CEP57: variants seen among roughly 807,000 people sequenced by gnomAD.
CEP57 encodes the protein centrosomal protein of 57 kDa.
Under a neutral mutation model 68.0 loss-of-function variants are expected in CEP57, and 40 were observed. The ratio of observed to expected loss-of-function variants is 0.59; its 90% confidence interval spans 0.46 to 0.77. CEP57 has a LOEUF of 0.77. Among genes scored for constraint, CEP57 ranks in the 30% least tolerant of loss-of-function variants. The pLI is 0.00. For missense variants in CEP57, 606 were observed against 580.7 expected (o/e 1.04, Z -0.45); for synonymous variants, 219 against 198.7 (o/e 1.10, Z -0.86).
chr11:95,825,058 A>G (rs1225327343), intron 8 of CEP57, among the ~76,000 whole-genome samples: 1 of 152,200 alleles, frequency 6.6e-6, no homozygotes, highest in Non-Finnish European at 1.5e-5. Context: ...AAAGGCATGG[A>G]AGTAGTCTAC....
At chr11:95,799,000 C>T (rs546313744) in intron 1 of CEP57, among the ~76,000 whole-genome samples, 1 of 152,162 alleles carries the variant, frequency 6.6e-6, no homozygotes, top group Non-Finnish European at 1.5e-5. Flanking sequence ...CATTTGTATT[C>T]AAGTTGTATG....
chr11:95,827,566 CAAT>C (rs1021399223), intron 8 of CEP57: 58 of 546,134 alleles, frequency 1.1e-4, no homozygotes, highest in South Asian at 7.3e-4. Context: ...GGTTGCAGCT[CAAT>C]GATGTGTATG....
chr11:95,814,282 C>G (rs960206903), intron 4 of CEP57, among the ~76,000 whole-genome samples: 1 of 151,824 alleles, frequency 6.6e-6, no homozygotes, highest in Middle Eastern at 3.5e-3. Context: ...CTCCTGGCCT[C>G]AAGTGATCAG....
chr11:95,816,500 C>T (rs1325812691), intron 4 of CEP57, among the ~76,000 whole-genome samples: 1 of 152,078 alleles, frequency 6.6e-6, no homozygotes, highest in African/African-American at 2.4e-5. Flanking sequence ...AATAAGACAA[C>T]TTTAAGATGT....
At chr11:95,830,978 T>G (rs376125737) in intron 10 of CEP57, 48 bp from the exon 11 acceptor site, 469 of 1,459,024 alleles carry the variant, frequency 3.2e-4, no homozygotes, top group Non-Finnish European at 4.5e-4. Flanking sequence ...AAAAAAAATA[T>G]TTTCATTAAA....
chr11:95,804,241 A>G (rs928465126), intron 2 of CEP57, among the ~76,000 whole-genome samples: 4 of 152,242 alleles, frequency 2.6e-5, no homozygotes, highest in Admixed American at 2.0e-4. Context: ...TCAAACAGTT[A>G]GTATAGGCAA....
Position 95,831,132 on chromosome 11 carries a change from C to A in CEP57, c.1379C>A (p.Thr460Lys), listed in dbSNP as rs1157579934. 6 of 1,613,124 alleles carry A rather than the reference C, an allele frequency of 3.7e-6. No individual in the cohort carries two copies. Among genetic ancestry groups the A allele is most frequent in the Non-Finnish European group, 5.1e-6 (6 of 1,179,554 alleles). Residue 460 changes from threonine to lysine, a missense_variant, in exon 11 of 11, where the codon ACA becomes AAA. Coordinates refer to ENST00000325542, the MANE Select transcript of CEP57 (RefSeq NM_014679.5). ...SSSRSGITGTTNKKDFMKLRP... is the reference protein window; with the variant it reads ...SSSRSGITGTKNKKDFMKLRP... Reference sequence around the variant, plus strand: ...AGCCGTTCTGGAATCACAGGGACCACAAATAAGAAAGATTTTATGAAACTG... The same window carrying A: ...AGCCGTTCTGGAATCACAGGGACCAAAAATAAGAAAGATTTTATGAAACTG...
intron 5 of CEP57, 125 bp from the exon 6 acceptor site, chr11:95,818,702 C>T: frequency 1.4e-6 from 1 of 723,312 alleles, no homozygotes; most frequent in Non-Finnish European, 2.5e-6. Context: ...GCCTCCATTA[C>T]TACAGTGATC....
rs148061976 is a variant in CEP57, at chr11:95,795,369, ACT to A, written c.46-3860_46-3859del. 5.6e-3 allele frequency: 2,143 copies of A among 382,494 alleles called. 64 individuals carry two copies. The East Asian group carries it at 0.061, about 11-fold the overall frequency. 23.7% of individuals were successfully genotyped at this position (382,494 alleles called of 1,614,324 possible). A position where few individuals can be genotyped will look rare whatever the true frequency, so the allele number is the denominator to read the frequency against. ...CATTTTCTAATATATAAAATTACTGACTCTTACATATCTATTTTACTCAGCAA... is the reference window on the plus strand; with the variant it reads ...CATTTTCTAATATATAAAATTACTGACTTACATATCTATTTTACTCAGCAA... On this transcript the variant is annotated intron_variant, in intron 1 of 10. Transcript: ENST00000325542.
In CEP57 at chr11:95,831,014, T is replaced by C; in HGVS notation, c.1273-12T>C. The C allele has an allele frequency of 6.3e-7, 1 of 1,583,814 alleles. No homozygotes were observed. Among genetic ancestry groups the C allele is most frequent in the Non-Finnish European group, 8.7e-7 (1 of 1,152,770 alleles). ...TTCTCCTTTTCCTTCCTGCCTTGGT[T>C]ATTTGGTATAGCTGGAGAAACAGAA... On this transcript the variant is annotated splice_polypyrimidine_tract_variant and intron_variant, in intron 10 of 10. Coordinates refer to ENST00000325542, the MANE Select transcript of CEP57 (RefSeq NM_014679.5).
In CEP57 at chr11:95,817,771, G is replaced by T; in HGVS notation, c.505-16G>T. The T allele has an allele frequency of 6.6e-7, 1 of 1,518,128 alleles. No individual in the cohort carries two copies. The highest frequency in any genetic ancestry group is 1.1e-5 in the South Asian group (1 of 89,068). 94.0% of individuals were successfully genotyped at this position (1,518,128 alleles called of 1,614,324 possible). On this transcript the variant is annotated splice_polypyrimidine_tract_variant and intron_variant, in intron 4 of 10. Transcript: ENST00000325542. Reference sequence around the variant, plus strand: ...GATTGTCAAATTATCAAGCCGTATTGAATATTGTTTTTCAGGTTTCCCTAG... The same window carrying T: ...GATTGTCAAATTATCAAGCCGTATTTAATATTGTTTTTCAGGTTTCCCTAG...
chr11:95,792,738 C>T (rs1033544015), intron 1 of CEP57, among the ~76,000 whole-genome samples: 2 of 152,112 alleles, frequency 1.3e-5, no homozygotes, highest in African/African-American at 4.8e-5. Flanking sequence ...CAATCTGCTA[C>T]ATCAAAATGT....
At chr11:95,818,426 A>C (rs1463865112) in intron 5 of CEP57, among the ~76,000 whole-genome samples, 1 of 151,892 alleles carries the variant, frequency 6.6e-6, no homozygotes, top group Non-Finnish European at 1.5e-5. Flanking sequence ...AAAAAAAAAA[A>C]TTAAATGTTT....
chr11:95,793,026 C>A (rs1198092711), intron 1 of CEP57, among the ~76,000 whole-genome samples: 1 of 152,012 alleles, frequency 6.6e-6, no homozygotes, highest in Non-Finnish European at 1.5e-5. Context: ...CAACTGTTTT[C>A]GACATTGATA....
At chr11:95,806,906 G>A (rs767507929) in intron 2 of CEP57, among the ~76,000 whole-genome samples, 4 of 152,164 alleles carry the variant, frequency 2.6e-5, no homozygotes, top group African/African-American at 4.8e-5. Flanking sequence ...ATCTGAGAAC[G>A]GACAGACTGC....
Position 95,817,871 on chromosome 11 carries a change from A to G in CEP57, c.589A>G (p.Asn197Asp), listed in dbSNP as rs755887377. 3 of 1,613,632 alleles carry G rather than the reference A, an allele frequency of 1.9e-6. No homozygotes were observed. The East Asian group carries it at 6.7e-5, about 36-fold the overall frequency. The change falls in exon 5 of 11, where the codon AAC becomes GAC. Residue 197 changes from asparagine to aspartate, a missense_variant. Coordinates refer to ENST00000325542, the MANE Select transcript of CEP57 (RefSeq NM_014679.5). ...EKLDLLEQEYNKLTTMQALAE... is the reference protein window; with the variant it reads ...EKLDLLEQEYDKLTTMQALAE... ...ATTGGATCTTCTTGAACAGGAGTAT[A>G]ACAAACTTACCACAATGCAGGCCCT... is the stretch of plus-strand genomic sequence containing the variant.
intron 1 of CEP57, among the ~76,000 whole-genome samples, chr11:95,798,521 C>T (rs1861440538): frequency 6.6e-6 from 1 of 152,144 alleles, no homozygotes; most frequent in South Asian, 2.1e-4. Context: ...TCATATCTTC[C>T]ACCTTAGCCC....
intron 1 of CEP57, 138 bp downstream of exon 1, chr11:95,790,881 T>C (rs1407160243): frequency 3.0e-6 from 3 of 990,986 alleles, no homozygotes; most frequent in Non-Finnish European, 4.6e-6. Flanking sequence ...TGCCCCGCGC[T>C]CCCCAAGCTT....
At chr11:95,815,994 T>G (rs773524434) in intron 4 of CEP57, among the ~76,000 whole-genome samples, 1 of 152,190 alleles carries the variant, frequency 6.6e-6, no homozygotes, top group Non-Finnish European at 1.5e-5. Flanking sequence ...TTTTTGTATC[T>G]GAAGATTTTC....
Sources: gnomAD v4.1 joint callset for allele counts (sites outside exome capture counted in the v4.1 genomes callset) on GRCh38, gnomAD v4.1.1 for gene constraint, MANE v1.5 for transcripts, NCBI Gene and HGNC (gene_info 2026-07-23, HGNC 2026-07-21) for gene names.